UBE2R2: variants seen among roughly 807,000 people sequenced by gnomAD.
UBE2R2 encodes ubiquitin conjugating enzyme E2 R2.
UBE2R2 carries 1 observed loss-of-function variant against 27.8 expected under a neutral mutation model. The ratio of observed to expected loss-of-function variants is 0.04; its 90% CI spans 0.01 to 0.17. The LOEUF (loss-of-function observed/expected upper bound fraction) is 0.17, where lower values mean the gene tolerates loss of function less well. Among genes scored for constraint, UBE2R2 ranks in the 10% least tolerant of loss-of-function variants. The pLI is 1.00. For missense variants in UBE2R2, 100 were observed against 291.0 expected (o/e 0.34, Z 4.78); for synonymous variants, 106 against 113.3 (o/e 0.94, Z 0.41).
chr9:33,852,185 C>T (rs974790665), intron 1 of UBE2R2, among the ~76,000 whole-genome samples: 1 of 152,098 alleles, frequency 6.6e-6, no homozygotes, highest in Admixed American at 6.6e-5. Flanking sequence ...GTGGCATGTG[C>T]CTATAGTCCC....
chr9:33,830,937 G>A (rs944934223), intron 1 of UBE2R2: 4 of 151,984 alleles, frequency 2.6e-5, no homozygotes, highest in African/African-American at 9.7e-5. Context: ...TGAAATAACT[G>A]TGGTTCCATT....
chr9:33,849,911 A>G (rs909540040), intron 1 of UBE2R2, among the ~76,000 whole-genome samples: 7 of 152,062 alleles, frequency 4.6e-5, no homozygotes, highest in African/African-American at 1.7e-4. Flanking sequence ...ACCCAATTCT[A>G]TATGTATAGG....
intron 1 of UBE2R2, among the ~76,000 whole-genome samples, chr9:33,843,982 A>G (rs1022098751): frequency 1.3e-5 from 2 of 152,166 alleles, no homozygotes; most frequent in Admixed American, 1.3e-4. Context: ...GCTGATTTCC[A>G]AGGCCATTTA....
At chr9:33,830,158 A>ATTT (rs34007720) in intron 1 of UBE2R2, among the ~76,000 whole-genome samples, 8 of 135,396 alleles carry the variant, frequency 5.9e-5, no homozygotes, top group Admixed American at 2.3e-4. Context: ...AAGTTTCATA[A>ATTT]TTTTTTTTTT....
chr9:33,815,402 C>A (rs529890348), upstream of UBE2R2, among the ~76,000 whole-genome samples: 10 of 152,166 alleles, frequency 6.6e-5, no homozygotes, highest in African/African-American at 2.2e-4. Context: ...GGGAACTGGG[C>A]GCCAGGTGTA....
intron 1 of UBE2R2, among the ~76,000 whole-genome samples, chr9:33,820,502 T>C (rs1030992086): frequency 1.3e-5 from 2 of 152,238 alleles, no homozygotes; most frequent in Non-Finnish European, 2.9e-5. Context: ...TTTATGGTCA[T>C]GAGCAGTTGA....
chr9:33,898,393 A>G (rs1256430151), intron 2 of UBE2R2, among the ~76,000 whole-genome samples: 1 of 151,946 alleles, frequency 6.6e-6, no homozygotes, highest in East Asian at 1.9e-4. Context: ...CTCTTCTTTT[A>G]TCTGTAGTAA....
At chr9:33,890,175 T>C (rs907051216) in intron 2 of UBE2R2, among the ~76,000 whole-genome samples, 3 of 152,196 alleles carry the variant, frequency 2.0e-5, no homozygotes, top group Non-Finnish European at 4.4e-5. Context: ...TTTCAAGAGA[T>C]ACCATTAGAT....
At chr9:33,840,919 T>G (rs144684769) in intron 1 of UBE2R2, among the ~76,000 whole-genome samples, 4 of 152,236 alleles carry the variant, frequency 2.6e-5, no homozygotes, top group African/African-American at 9.6e-5. Flanking sequence ...GCTATTTAAT[T>G]TAATTTAATT....
chr9:33,872,576 CAGA>C (rs1375584298), intron 1 of UBE2R2, among the ~76,000 whole-genome samples: 2 of 152,076 alleles, frequency 1.3e-5, no homozygotes, highest in Non-Finnish European at 2.9e-5. Flanking sequence ...CACCTGAGGT[CAGA>C]AGGTCAAGAC....
At chr9:33,910,282 G>A (rs957475465) in intron 3 of UBE2R2, among the ~76,000 whole-genome samples, 6 of 152,026 alleles carry the variant, frequency 3.9e-5, no homozygotes, top group Admixed American at 1.3e-4. Context: ...CCGAGTAGCT[G>A]GGATTACAGG....
chr9:33,860,016 G>C (rs942135207), intron 1 of UBE2R2, among the ~76,000 whole-genome samples: 2 of 151,794 alleles, frequency 1.3e-5, no homozygotes, highest in African/African-American at 4.8e-5. Context: ...TGTGTTGCCC[G>C]GATTGGTCTT....
At chr9:33,878,356 C>T (rs1821660998) in intron 1 of UBE2R2, among the ~76,000 whole-genome samples, 1 of 152,126 alleles carries the variant, frequency 6.6e-6, no homozygotes, top group South Asian at 2.1e-4. Flanking sequence ...TGGCTCACGC[C>T]TGTAATCCCA....
rs1210936199 is a variant in UBE2R2 at position 33,914,614 on chromosome 9, G to GTCAA, written c.498-2403_498-2400dup. ...TTTTGAGGCGGGTGGATCACCTGAGGTCAAGAGTTCGAGACCAACCTGGCC... is the reference window on the plus strand; with the variant it reads ...TTTTGAGGCGGGTGGATCACCTGAGGTCAATCAAGAGTTCGAGACCAACCTGGCC... On this transcript the variant is annotated intron_variant, in intron 4 of 4. Transcript: ENST00000263228. Among the ~76,000 whole-genome samples the GTCAA allele has an allele frequency of 2.0e-5, 3 of 152,172 alleles. No homozygotes were observed. In the East Asian group the frequency reaches 5.8e-4, roughly 29 times the overall value.
chr9:33,815,907 T>C (rs1310025693), upstream of UBE2R2, among the ~76,000 whole-genome samples: 2 of 152,154 alleles, frequency 1.3e-5, no homozygotes, highest in Non-Finnish European at 2.9e-5. Context: ...TTAATCCCCT[T>C]TTACAGAAGC....
At chr9:33,896,430 T>A (rs1210786959) in intron 2 of UBE2R2, among the ~76,000 whole-genome samples, 7 of 151,816 alleles carry the variant, frequency 4.6e-5, no homozygotes, top group Non-Finnish European at 8.8e-5. Flanking sequence ...GAGTATGATG[T>A]TAGCTGTGGG....
rs533390794 is a variant in UBE2R2, at chr9:33,918,222, T to A, written c.*985T>A. ...GGCCTTCCCATCAAAAATACACTCG[T>A]ACCATGACGTTTTGTTTTTGTTTTT... is the stretch of plus-strand genomic sequence containing the variant. On this transcript the variant is annotated 3_prime_UTR_variant, in exon 5 of 5. Transcript: ENST00000263228. 3 of 152,138 alleles carry A rather than the reference T, an allele frequency of 2.0e-5. No individual in the cohort carries two copies. Among genetic ancestry groups the A allele is most frequent in the Admixed American group, 1.3e-4 (2 of 15,274 alleles). The allele number at this position is 152,138 out of a possible 1,614,324, so 9.4% of individuals were successfully genotyped here. A position where few individuals can be genotyped will look rare whatever the true frequency, so the allele number is the denominator to read the frequency against.
chr9:33,844,626 G>T (rs1413947826), intron 1 of UBE2R2, among the ~76,000 whole-genome samples: 2 of 150,596 alleles, frequency 1.3e-5, no homozygotes, highest in African/African-American at 4.9e-5. Context: ...ATTCTTGGTG[G>T]TGTTGTTCCA....
chr9:33,853,721 C>T (rs1254738988), intron 1 of UBE2R2, among the ~76,000 whole-genome samples: 1 of 151,836 alleles, frequency 6.6e-6, no homozygotes, highest in African/African-American at 2.4e-5. Context: ...AGTTTTATGG[C>T]CCATGTTGTC....
Sources: gnomAD v4.1 joint callset for allele counts (sites outside exome capture counted in the v4.1 genomes callset) on GRCh38, gnomAD v4.1.1 for gene constraint, MANE v1.5 for transcripts, NCBI Gene and HGNC (gene_info 2026-07-23, HGNC 2026-07-21) for gene names.